The following NFIB variants were observed in gnomAD, a reference collection of about 807,000 sequenced individuals.
NFIB encodes the protein nuclear factor 1 B-type.
NFIB carries 11 observed loss-of-function variants against 61.5 expected under a neutral mutation model. The observed-to-expected ratio is 0.18, with a 90% CI of 0.11 to 0.30. NFIB has a LOEUF of 0.30. Among genes scored for constraint, NFIB ranks in the 10% least tolerant of loss-of-function variants. The pLI is 1.00. For synonymous variants in NFIB, 260 were observed against 216.5 expected (o/e 1.20, Z -1.76); for missense variants, 471 against 608.9 (o/e 0.77, Z 2.38).
rs188901639 is a variant in NFIB, at chr9:14,153,885, T to C, written c.685+1940A>G. Among the ~76,000 whole-genome samples the C allele has an allele frequency of 7.2e-5, 11 of 152,266 alleles. No individual in the cohort carries two copies. In the East Asian group the frequency reaches 2.1e-3, roughly 29 times the overall value. On this transcript the variant is annotated intron_variant, in intron 4 of 10. Transcript: ENST00000380953. ...TTAAAACACTTAGGAGGAGAACTTA[T>C]CAGGCCTTTCAGAGACACCTATTTA...
intron 2 of NFIB, among the ~76,000 whole-genome samples, chr9:14,228,015 A>G (rs1024948429): frequency 6.6e-6 from 1 of 152,002 alleles, no homozygotes; most frequent in Admixed American, 6.6e-5. Flanking sequence ...TAATTCATTT[A>G]CTCTTCCTTT....
At chr9:14,125,581 A>T (rs761776450) in intron 7 of NFIB, 51 bp downstream of exon 7, 1 of 1,607,018 alleles carries the variant, frequency 6.2e-7, no homozygotes, top group South Asian at 1.1e-5. Flanking sequence ...TAAGGGGGTT[A>T]GGCCCTACAG....
intron 2 of NFIB, among the ~76,000 whole-genome samples, chr9:14,207,051 G>T (rs1254142892): frequency 6.6e-6 from 1 of 152,174 alleles, no homozygotes; most frequent in Non-Finnish European, 1.5e-5. Context: ...AACAGTCATT[G>T]AGTATTTGTT....
chr9:14,504,730 G>A, the NFIB span, among the ~76,000 whole-genome samples: 1 of 152,196 alleles, frequency 6.6e-6, no homozygotes, highest in East Asian at 1.9e-4. Context: ...AGAGCTTTTT[G>A]GATGAATCTT....
chr9:14,422,894 T>C, the NFIB span, among the ~76,000 whole-genome samples: 5 of 152,328 alleles, frequency 3.3e-5, no homozygotes, highest in East Asian at 9.6e-4. Flanking sequence ...AAGATGCACA[T>C]GGAGGCCCCC....
chr9:14,323,501 T>G (rs2060709291), intron 1 of NFIB, among the ~76,000 whole-genome samples: 1 of 152,212 alleles, frequency 6.6e-6, no homozygotes. Context: ...ACACTAGCCC[T>G]AACATTTACT....
chr9:14,314,265 C>T (rs2060435827), upstream of NFIB: 3 of 600,866 alleles, frequency 5.0e-6, no homozygotes, highest in African/African-American at 2.0e-5. Flanking sequence ...AAGAGGCTCG[C>T]GGCGCGTGGT....
At chr9:14,225,829 T>C (rs1420750157) in intron 2 of NFIB, among the ~76,000 whole-genome samples, 2 of 152,164 alleles carry the variant, frequency 1.3e-5, no homozygotes, top group Non-Finnish European at 2.9e-5. Context: ...AGCCAAATGT[T>C]TTTTAATGAT....
chr9:14,338,625 G>C (rs7036519), intron 1 of NFIB, among the ~76,000 whole-genome samples: 132,552 of 151,990 alleles, frequency 0.87, 60,630 homozygotes, highest in Non-Finnish European at 1. Flanking sequence ...GATTAAACCA[G>C]AAAACATGTG....
the NFIB span, among the ~76,000 whole-genome samples, chr9:14,463,659 CTTT>C: frequency 2.6e-4 from 17 of 65,812 alleles, no homozygotes; most frequent in African/African-American, 8.1e-4. Flanking sequence ...ATTTGATTTT[CTTT>C]TTTTTTTTTT....
chr9:14,434,561 A>C, the NFIB span, among the ~76,000 whole-genome samples: 1 of 152,116 alleles, frequency 6.6e-6, no homozygotes, highest in East Asian at 1.9e-4. Flanking sequence ...TGAGGAAAGG[A>C]TCCCTTTCAA....
At chr9:14,509,919 C>G in the NFIB span, among the ~76,000 whole-genome samples, 1 of 152,186 alleles carries the variant, frequency 6.6e-6, no homozygotes, top group South Asian at 2.1e-4. Flanking sequence ...GTTTTTGAGA[C>G]AGAGTCTCGC....
In NFIB at chr9:14,382,364, G is replaced by A. The variant is rs566167730; in HGVS notation, c.108+16160C>T. Among the ~76,000 whole-genome samples the A allele has an allele frequency of 3.6e-3, 544 of 151,600 alleles. 2 individuals are homozygous for A. The highest frequency in any genetic ancestry group is 5.3e-3 in the Non-Finnish European group (361 of 67,884). ...AAGTGATGAGAGAGAGAGAGAGAGA[G>A]GGAGAGAGAGGGAGATAGGAGTCTG... On this transcript the variant is annotated intron_variant, in intron 1 of 8. Coordinates refer to the NFIB transcript ENST00000380934.
At chr9:14,158,143 AAC>A (rs1055690532) in intron 3 of NFIB, among the ~76,000 whole-genome samples, 2 of 151,724 alleles carry the variant, frequency 1.3e-5, no homozygotes, top group African/African-American at 4.9e-5. Context: ...AAAACAAAAA[AAC>A]AAAACAACCT....
At chr9:14,519,537 A>T in the NFIB span, among the ~76,000 whole-genome samples, 1 of 152,022 alleles carries the variant, frequency 6.6e-6, no homozygotes, top group African/African-American at 2.4e-5. Flanking sequence ...GGGGGTTGGG[A>T]GGCAGGGGTT....
the NFIB span, among the ~76,000 whole-genome samples, chr9:14,409,331 G>A: frequency 6.6e-6 from 1 of 152,108 alleles, no homozygotes; most frequent in African/African-American, 2.4e-5. Context: ...CTGTTCTTAT[G>A]AGCAGGTGCA....
chr9:14,199,685 C>T (rs1477364344), intron 2 of NFIB, among the ~76,000 whole-genome samples: 1 of 152,200 alleles, frequency 6.6e-6, no homozygotes, highest in Non-Finnish European at 1.5e-5. Flanking sequence ...AATAAGACTT[C>T]CACTTGGTCA....
intron 2 of NFIB, among the ~76,000 whole-genome samples, chr9:14,302,098 G>A (rs990737781): frequency 9.9e-5 from 15 of 152,212 alleles, no homozygotes; most frequent in Admixed American, 4.6e-4. Context: ...CTAGAGAGCA[G>A]CCTCATTTTA....
intron 2 of NFIB, among the ~76,000 whole-genome samples, chr9:14,288,060 T>C (rs1285975446): frequency 6.6e-6 from 1 of 152,146 alleles, no homozygotes; most frequent in South Asian, 2.1e-4. Context: ...TTAAATACAG[T>C]ATATTTGCAG....
Sources: gnomAD v4.1 joint callset for allele counts (sites outside exome capture counted in the v4.1 genomes callset) on GRCh38, gnomAD v4.1.1 for gene constraint, MANE v1.5 for transcripts, NCBI Gene and HGNC (gene_info 2026-07-23, HGNC 2026-07-21) for gene names.